The following ABCB1 variants were observed in gnomAD, a reference collection of about 807,000 sequenced individuals.
The protein encoded by ABCB1 is ATP binding cassette subfamily B member 1, also known as ATP-dependent translocase ABCB1.
Under a neutral mutation model 142.0 loss-of-function variants are expected in ABCB1, and 69 were observed. The ratio of observed to expected loss-of-function variants is 0.49; its 90% CI spans 0.40 to 0.59. The LOEUF is 0.59. Among genes scored for constraint, ABCB1 ranks in the 20% least tolerant of loss-of-function variants. The pLI is 0.00. For synonymous variants in ABCB1, 532 were observed against 539.2 expected (o/e 0.99, Z 0.18); for missense variants, 1,326 against 1,554.7 (o/e 0.85, Z 2.47).
At chr7:87,599,915 G>T (rs1819375302) in intron 2 of ABCB1, among the ~76,000 whole-genome samples, 1 of 152,054 alleles carries the variant, frequency 6.6e-6, no homozygotes, top group South Asian at 2.1e-4. Flanking sequence ...GAACAAAAAA[G>T]ACAGGGAAAA....
intron 1 of ABCB1, among the ~76,000 whole-genome samples, chr7:87,704,756 C>T (rs1337109072): frequency 6.6e-6 from 1 of 152,068 alleles, no homozygotes; most frequent in African/African-American, 2.4e-5. Flanking sequence ...ATTTGAGTTG[C>T]CTAGTTATGC....
Position 87,550,782 on chromosome 7 carries a change from A to G in ABCB1, c.1056T>C (p.Ile352=), listed in dbSNP as rs1303134564. The change falls in exon 10 of 28, where the codon ATT becomes ATC. Residue 352 remains isoleucine, a synonymous_variant. Coordinates refer to ENST00000622132, the MANE Select transcript of ABCB1 (RefSeq NM_001348946.2). ...CTCCTCTTGCATTTGCAAATGCTTC[A>G]ATGCTTGGAGATGCCTGTCCAACAC... ...AFSVGQASPS[I]EAFANARGAA... The G allele has an allele frequency of 1.2e-6, 2 of 1,614,034 alleles. No individual in the cohort carries two copies. Among genetic ancestry groups the G allele is most frequent in the East Asian group, 4.5e-5 (2 of 44,860 alleles).
intron 1 of ABCB1, among the ~76,000 whole-genome samples, chr7:87,661,805 T>G (rs147961748): frequency 5.3e-5 from 8 of 152,092 alleles, no homozygotes; most frequent in African/African-American, 1.9e-4. Context: ...AGTTTAATTT[T>G]AAGTTTTATG....
At chr7:87,690,732 G>A (rs1827937321) in intron 1 of ABCB1, among the ~76,000 whole-genome samples, 1 of 152,104 alleles carries the variant, frequency 6.6e-6, no homozygotes. Flanking sequence ...AATAGAATAT[G>A]TTCTATATGA....
At chr7:87,631,163 G>A (rs1821173665) in intron 1 of ABCB1, among the ~76,000 whole-genome samples, 1 of 152,172 alleles carries the variant, frequency 6.6e-6, no homozygotes. Flanking sequence ...GATGGTGCAT[G>A]TAAATTATCC....
chr7:87,606,582 G>T (rs750801041), intron 1 of ABCB1, among the ~76,000 whole-genome samples: 14 of 151,958 alleles, frequency 9.2e-5, no homozygotes, highest in Non-Finnish European at 1.3e-4. Flanking sequence ...AATATAAAAC[G>T]TGCTTACAGA....
chr7:87,532,528 G>T (rs1816098696), intron 20 of ABCB1, among the ~76,000 whole-genome samples: 1 of 152,130 alleles, frequency 6.6e-6, no homozygotes, highest in Non-Finnish European at 1.5e-5. Flanking sequence ...GTATTAGCAT[G>T]CTCAAAGACA....
At chr7:87,710,278 T>C (rs1218382437) in intron 1 of ABCB1, among the ~76,000 whole-genome samples, 1 of 152,172 alleles carries the variant, frequency 6.6e-6, no homozygotes, top group African/African-American at 2.4e-5. Flanking sequence ...TATAATTACA[T>C]CATGTAATTC....
chr7:87,649,577 A>G (rs1823365373), intron 1 of ABCB1, among the ~76,000 whole-genome samples: 1 of 152,232 alleles, frequency 6.6e-6, no homozygotes, highest in Admixed American at 6.5e-5. Context: ...TGGAAAATAC[A>G]TTGATTTTTG....
chr7:87,625,256 CA>C (rs533472824), intron 1 of ABCB1, among the ~76,000 whole-genome samples: 197 of 124,350 alleles, frequency 1.6e-3, no homozygotes, highest in Admixed American at 1.7e-3. Context: ...GACTGCGTCT[CA>C]AAAAAAAAAA....
intron 22 of ABCB1, 74 bp downstream of exon 22, chr7:87,520,702 G>A (rs1815462803): frequency 3.7e-6 from 5 of 1,338,902 alleles, no homozygotes; most frequent in Admixed American, 1.7e-5. Flanking sequence ...TCTAGCCAAA[G>A]TAATCCCTCT....
At chr7:87,545,127 A>T in intron 15 of ABCB1, 128 bp from the exon 16 acceptor site, 1 of 820,054 alleles carries the variant, frequency 1.2e-6, no homozygotes, top group Non-Finnish European at 2.0e-6. Flanking sequence ...GATAAAGCTA[A>T]TCTGCTGTGT....
At chr7:87,551,615 G>A (rs1286354020) in intron 9 of ABCB1, among the ~76,000 whole-genome samples, 5 of 151,690 alleles carry the variant, frequency 3.3e-5, no homozygotes, top group Admixed American at 6.6e-5. Flanking sequence ...CTCAGTCTCC[G>A]AAGTAGCTGG....
At chr7:87,709,515 A>T (rs1037105681) in intron 1 of ABCB1, 27 of 985,228 alleles carry the variant, frequency 2.7e-5, no homozygotes, top group Non-Finnish European at 3.0e-5. Flanking sequence ...TTGGTAGGTA[A>T]ATTGACTCGC....
At chr7:87,509,788 A>G (rs765059496) in intron 25 of ABCB1, among the ~76,000 whole-genome samples, 9 of 152,236 alleles carry the variant, frequency 5.9e-5, no homozygotes, top group Non-Finnish European at 8.8e-5. Context: ...GTTATGTTAC[A>G]TGGCAAAAAG....
intron 9 of ABCB1, among the ~76,000 whole-genome samples, chr7:87,552,444 A>G (rs998234320): frequency 6.6e-6 from 1 of 152,174 alleles, no homozygotes; most frequent in African/African-American, 2.4e-5. Flanking sequence ...GCTGCCCTAA[A>G]TCATACAGCT....
intron 5 of ABCB1, among the ~76,000 whole-genome samples, chr7:87,567,390 C>A (rs981660828): frequency 9.9e-5 from 15 of 152,208 alleles, no homozygotes; most frequent in African/African-American, 3.4e-4. Flanking sequence ...GGAATCACAG[C>A]ATCAGGTAAG....
intron 1 of ABCB1, among the ~76,000 whole-genome samples, chr7:87,706,661 C>G (rs1829619288): frequency 6.6e-6 from 1 of 152,166 alleles, no homozygotes; most frequent in African/African-American, 2.4e-5. Context: ...AGTTGTTTGT[C>G]TATTCACATC....
At chr7:87,634,624 T>C (rs961778301) in intron 1 of ABCB1, among the ~76,000 whole-genome samples, 3 of 150,446 alleles carry the variant, frequency 2.0e-5, no homozygotes, top group African/African-American at 7.3e-5. Context: ...GAGACTCTTG[T>C]CTCAAAAAAA....
Sources: gnomAD v4.1 joint callset for allele counts (sites outside exome capture counted in the v4.1 genomes callset) on GRCh38, gnomAD v4.1.1 for gene constraint, MANE v1.5 for transcripts, NCBI Gene and HGNC (gene_info 2026-07-23, HGNC 2026-07-21) for gene names.